The following SEZ6L2 variants were observed in gnomAD, a reference collection of about 807,000 sequenced individuals.
The protein encoded by SEZ6L2 is seizure related 6 homolog like 2.
In SEZ6L2, 44 loss-of-function variants were observed where a neutral mutation model predicts 97.0. The observed-to-expected ratio is 0.45, with a 90% confidence interval of 0.36 to 0.58. The LOEUF (loss-of-function observed/expected upper bound fraction) is 0.58, where lower values mean the gene tolerates loss of function less well. Ranked by LOEUF, SEZ6L2 falls within the 20% of genes least tolerant of loss-of-function variation. The probability of loss-of-function intolerance (pLI) is 0.00; values close to 1 mark genes in which losing one functional copy is unlikely to be tolerated. For missense variants in SEZ6L2, 1,086 were observed against 1,233.3 expected, an observed-to-expected ratio of 0.88 and a Z score of 1.79; for synonymous variants, 543 against 546.1, an observed-to-expected ratio of 0.99 and a Z score of 0.08.
rs1342100371 is a variant in SEZ6L2, at chr16:29,877,452, T to A, written c.1728A>T (p.Glu576Asp). 6.3e-7 allele frequency: 1 copy of A among 1,595,434 alleles called. No individual in the cohort carries two copies. Among genetic ancestry groups the A allele is most frequent in the Non-Finnish European group, 8.5e-7 (1 of 1,170,524 alleles). Residue 576 changes from glutamate (E) to aspartate (D), a missense_variant, in exon 11 of 18, where the codon GAA becomes GAT. Transcript: ENST00000617533. ...CGTCGAACAGCGTCAGCATGTCCCC[T>A]TCCCGCACATTCAATCTGCAGGGGG... The part of the protein sequence containing the change: ...LLQVEILNVR[E>D]GDMLTLFDGD...
At position 29,895,749 on chromosome 16, in the gene SEZ6L2, A is replaced by G; in HGVS notation, c.623T>C (p.Val208Ala). 6.2e-7 allele frequency: 1 copy of G among 1,613,924 alleles called. No individual in the cohort carries two copies. The highest frequency in any genetic ancestry group is 1.1e-5 in the South Asian group (1 of 91,038). Reference protein sequence around the residue: ...GLLDCTYSIHVYPGYGIEIQV... With the variant: ...GLLDCTYSIHAYPGYGIEIQV... Reference sequence around the variant, plus strand: ...GATCTCAATGCCGTAGCCAGGGTAGACATGGATGCTGTAAGTGCAGTCCAG... The same window carrying G: ...GATCTCAATGCCGTAGCCAGGGTAGGCATGGATGCTGTAAGTGCAGTCCAG... The change falls in exon 4 of 18, where the codon GTC (valine) becomes GCC (alanine). Residue 208 changes from valine (V) to alanine (A), a missense_variant. Around this residue, in one of 2 missense-constraint regions of SEZ6L2, gnomAD observed 776 missense variants for 794.7 expected, o/e 0.98. Transcript: ENST00000617533.
In SEZ6L2 at chr16:29,885,584, A is replaced by T; in HGVS notation, c.1372+2T>A. 1 of 1,612,734 alleles carries T rather than the reference A, an allele frequency of 6.2e-7. No homozygotes were observed. Among genetic ancestry groups the T allele is most frequent in the Non-Finnish European group, 8.5e-7 (1 of 1,178,996 alleles). On this transcript the variant is annotated splice_donor_variant, in intron 8 of 17. Coordinates refer to ENST00000617533, the MANE Select transcript of SEZ6L2 (RefSeq NM_001243332.2). LOFTEE classifies it high-confidence loss of function. ...GGTCCTGTGGGGGAGTGGGTCACTT[A>T]CCTTCAAATCGAAGGCTTAACAGCA...
At position 29,872,203 on chromosome 16, in the gene SEZ6L2, G is replaced by A. The variant is rs146034667; in HGVS notation, c.2726C>T (p.Pro909Leu). 5.6e-6 allele frequency: 9 copies of A among 1,608,082 alleles called. No homozygotes were observed. Among genetic ancestry groups the A allele is most frequent in the Admixed American group, 1.7e-5 (1 of 58,898 alleles). The change falls in exon 17 of 18, where the codon CCG (proline) becomes CTG (leucine). Residue 909 changes from proline to leucine, a missense_variant. Physicochemically the swap from Pro to Leu is moderately conservative, Grantham distance 98 (BLOSUM62 -3). Around this residue, in one of 2 missense-constraint regions of SEZ6L2, gnomAD observed 310 missense variants for 438.6 expected, o/e 0.71. Transcript: ENST00000617533. ...PITVESDFSN[P>L]LYEAGDTREY... is the part of the protein sequence containing the mutation. ...GGTGCTTACCCCAGCTTCATACAGC[G>A]GGTTGCTGAAGTCCGACTCCACGGT...
rs915673833 is a variant in SEZ6L2 at position 29,895,333 on chromosome 16, G to A, written c.779C>T (p.Pro260Leu). 6.2e-7 allele frequency: 1 copy of A among 1,614,166 alleles called. No homozygotes were observed. Among genetic ancestry groups the A allele is most frequent in the Non-Finnish European group, 8.5e-7 (1 of 1,180,034 alleles). The change falls in exon 5 of 18, where the codon CCA becomes CTA. Residue 260 changes from proline (P) to leucine (L), a missense_variant. Pro to Leu is a moderately conservative substitution (Grantham distance 98). Transcript: ENST00000617533. ...MLGEGQVLRS[P>L]TNRLLLHFQS... ...GAAGTGCAGAAGCAGCCGGTTGGTT[G>A]GGCTCCGAAGGACTTGTCCTTCTCC...
Position 29,877,430 on chromosome 16 carries a change from C to A in SEZ6L2, c.1750G>T (p.Asp584Tyr). Residue 584 changes from aspartate to tyrosine, a missense_variant, in exon 11 of 18, where the codon GAC becomes TAC. Coordinates refer to ENST00000617533, the MANE Select transcript of SEZ6L2 (RefSeq NM_001243332.2). ...VREGDMLTLF[D>Y]GDGPSARVLA... ...ACTCGGGCGCTGGGACCGTCCCCGT[C>A]GAACAGCGTCAGCATGTCCCCTTCC... The A allele has an allele frequency of 1.9e-6, 3 of 1,608,894 alleles. No individual in the cohort carries two copies. Among genetic ancestry groups the A allele is most frequent in the South Asian group, 1.1e-5 (1 of 90,460 alleles).
chr16:29,879,734 A>G, intron 9 of SEZ6L2, 130 bp downstream of exon 9: 2 of 814,588 alleles, frequency 2.5e-6, no homozygotes. Flanking sequence ...CTGAAGGGAC[A>G]GGGATTTACC....
chr16:29,880,919 C>G (rs2068017018), intron 8 of SEZ6L2, among the ~76,000 whole-genome samples: 1 of 151,474 alleles, frequency 6.6e-6, no homozygotes, highest in Admixed American at 6.6e-5. Flanking sequence ...GCACACCCCA[C>G]CCAGCAGCTC....
chr16:29,894,072 T>C lies in SEZ6L2; in HGVS notation c.853+1187A>G, dbSNP rs141796643. The stretch of plus-strand genomic sequence containing the variant: ...TTTTAGTAGAGATGGGGTTTCACCA[T>C]GTTGGCCAGGCAGGTCTTGAACTCC... On this transcript the variant is annotated intron_variant, in intron 5 of 17. Transcript: ENST00000617533. Among the ~76,000 whole-genome samples, 49 of 152,306 alleles carry C rather than the reference T, an allele frequency of 3.2e-4. No individual in the cohort carries two copies. In the East Asian group the frequency reaches 9.3e-3, roughly 29 times the overall value.
chr16:29,896,701 A>T (rs917309278), intron 3 of SEZ6L2, 121 bp downstream of exon 3: 3 of 776,218 alleles, frequency 3.9e-6, no homozygotes, highest in Non-Finnish European at 6.4e-6. Flanking sequence ...TACCTTTGTT[A>T]TTATTATTCT....
At chr16:29,890,254 C>A (rs2068242923) in intron 5 of SEZ6L2, among the ~76,000 whole-genome samples, 1 of 152,088 alleles carries the variant, frequency 6.6e-6, no homozygotes, top group African/African-American at 2.4e-5. Context: ...CGCCTGTAAT[C>A]CTGGCACTTT....
At chr16:29,875,661 CTTTCTT>C (rs1171181879) in intron 12 of SEZ6L2, among the ~76,000 whole-genome samples, 5 of 112,712 alleles carry the variant, frequency 4.4e-5, no homozygotes, top group African/African-American at 7.6e-5. Flanking sequence ...TTCTTTCTTT[CTTTCTT>C]TTTTTTTTTT....
At position 29,899,296 on chromosome 16, in the gene SEZ6L2, G is replaced by C. The variant is rs2068482722; in HGVS notation, c.-277C>G. ...GGCGCGGCTCCGGCTGCAGGGGGTG[G>C]GGCCGAGAGGGCCGAAGGGGCCGGG... is the stretch of plus-strand genomic sequence containing the variant. On this transcript the variant is annotated 5_prime_UTR_variant, in exon 1 of 18. Coordinates refer to ENST00000617533, the MANE Select transcript of SEZ6L2 (RefSeq NM_001243332.2). 1 of 428,400 alleles carries C rather than the reference G, an allele frequency of 2.3e-6. No individual in the cohort carries two copies. Among genetic ancestry groups the C allele is most frequent in the Non-Finnish European group, 4.1e-6 (1 of 241,436 alleles). 26.5% of individuals were successfully genotyped at this position (428,400 alleles called of 1,614,324 possible).
At position 29,885,680 on chromosome 16, in the gene SEZ6L2, G is replaced by A. The variant is rs747626175; in HGVS notation, c.1278C>T (p.Pro426=). The A allele has an allele frequency of 1.1e-5, 17 of 1,613,788 alleles. No individual in the cohort carries two copies. In the African/African-American group the frequency reaches 1.2e-4, roughly 11 times the overall value. Residue 426 remains proline, a synonymous_variant, in exon 8 of 18, where the codon CCC becomes CCT. Transcript: ENST00000617533. ...GGGCGTCACTGATGAGACCCCGCTC[G>A]GGGACATCGTCCATGTCCGAATCAT... ...VIYDSDMDDV[P]ERGLISDAQS...
rs979976861 is a variant in SEZ6L2 at position 29,878,972 on chromosome 16, G to A, written c.1574-547C>T. On this transcript the variant is annotated intron_variant, in intron 9 of 17. Transcript: ENST00000617533. ...GGCTGGAGTGCAGTGGCGCAATCCC[G>A]GCTCACTGCAATCTCCACCTCGCAG... 4.0e-5 allele frequency among the ~76,000 whole-genome samples: 6 copies of A among 151,638 alleles called. No individual in the cohort carries two copies. In the East Asian group the frequency reaches 5.8e-4, roughly 15 times the overall value.
chr16:29,875,429 C>T (rs1011012813), intron 12 of SEZ6L2, among the ~76,000 whole-genome samples: 3 of 152,118 alleles, frequency 2.0e-5, no homozygotes, highest in African/African-American at 7.2e-5. Flanking sequence ...CGGGGCCAGC[C>T]GAACTCTCAG....
chr16:29,895,215 C>CA, intron 5 of SEZ6L2, 44 bp downstream of exon 5: 1 of 1,254,168 alleles, frequency 8.0e-7, no homozygotes. Flanking sequence ...CCAGTGTATG[C>CA]AGTATGGCCC....
In SEZ6L2 at chr16:29,895,452, C is replaced by T. The variant is rs149331377; in HGVS notation, c.660G>A (p.Thr220=). 4.2e-3 allele frequency: 6,752 copies of T among 1,613,946 alleles called. 72 individuals are homozygous for T. Among genetic ancestry groups the T allele is most frequent in the South Asian group, 0.029 (2,661 of 91,080 alleles). ...PGYGIEIQVQ[T]LNLSQEEELL... ...GCTCCTCTTCCTGTGACAGGTTCAG[C>T]GTCTGCACCTAGAGAAGCCAGACAC... Residue 220 remains threonine, a synonymous_variant, in exon 5 of 18, where the codon ACG becomes ACA. Transcript: ENST00000617533.
chr16:29,874,320 AGTCTGTGGAACAGCAGCT>A (rs1277696849), intron 12 of SEZ6L2, among the ~76,000 whole-genome samples: 2 of 152,106 alleles, frequency 1.3e-5, no homozygotes, highest in Non-Finnish European at 2.9e-5. Context: ...CATGGCTTGT[AGTCTGTGGAACAGCAGCT>A]GCCCTCTTTA....
At chr16:29,898,453 C>CA (rs35829495) in intron 1 of SEZ6L2, among the ~76,000 whole-genome samples, 11 of 152,050 alleles carry the variant, frequency 7.2e-5, no homozygotes, top group African/African-American at 2.7e-4. Flanking sequence ...CTCTCCCCCC[C>CA]ACCCTCTCTC....
Sources: allele counts gnomAD v4.1 joint callset (sites outside exome capture counted in the v4.1 genomes callset), GRCh38; gene constraint gnomAD v4.1.1; regional missense constraint gnomAD v4.1.1; transcripts MANE v1.5; gene names NCBI Gene and HGNC (gene_info 2026-07-23, HGNC 2026-07-21).